Variants in ITGA5 observed in about 807,000 individuals in gnomAD.
ITGA5 encodes the protein integrin alpha-5.
In ITGA5, 55 loss-of-function variants were observed where a neutral mutation model predicts 146.3. That is an observed-to-expected ratio of 0.38 (90% CI 0.30 to 0.47). ITGA5 has a LOEUF of 0.47. ITGA5 is among the 20% of genes least tolerant of loss of function. The probability of loss-of-function intolerance (pLI) is 0.99; values close to 1 mark genes in which losing one functional copy is unlikely to be tolerated. For synonymous variants in ITGA5, 500 were observed against 531.8 expected, an observed-to-expected ratio of 0.94 and a Z score of 0.82; for missense variants, 1,131 against 1,329.0, an observed-to-expected ratio of 0.85 and a Z score of 2.32.
chr12:54,409,122 C>G lies in ITGA5; in HGVS notation c.583+110G>C, dbSNP rs1955907074. The G allele has an allele frequency of 6.7e-7, 1 of 1,499,208 alleles. No individual in the cohort carries two copies. The highest frequency in any genetic ancestry group is 1.3e-5 in the South Asian group (1 of 79,972). The allele number at this position is 1,499,208 out of a possible 1,614,324, so 92.9% of individuals were successfully genotyped here. ...CTGGGTTAGCCTTTATCTTAAGCAA[C>G]CTAGAACCTCATGGGGGCACATGGT... On this transcript the variant is annotated intron_variant, in intron 4 of 29. Transcript: ENST00000293379. This position sits in a 1 kb window ranked among gnomAD's most constrained non-coding sequence, Gnocchi z 4.7.
In ITGA5 at chr12:54,401,062, A is replaced by G; in HGVS notation, c.2494-67T>C. The G allele has an allele frequency of 6.7e-7, 1 of 1,494,644 alleles. No individual in the cohort carries two copies. The highest frequency in any genetic ancestry group is 1.2e-5 in the South Asian group (1 of 83,434). The allele number at this position is 1,494,644 out of a possible 1,614,324, so 92.6% of individuals were successfully genotyped here. A position where few individuals can be genotyped will look rare whatever the true frequency, so the allele number is the denominator to read the frequency against. ...TGCTTCTGCCCCATTGAGACCCTGGATCACCATGGCTCCACTATACCCTGC... is the reference window on the plus strand; with the variant it reads ...TGCTTCTGCCCCATTGAGACCCTGGGTCACCATGGCTCCACTATACCCTGC... On this transcript the variant is annotated intron_variant, in intron 24 of 29. Coordinates refer to ENST00000293379, the MANE Select transcript of ITGA5 (RefSeq NM_002205.5). The surrounding 1 kb of genome is among the most constrained non-coding windows in gnomAD (Gnocchi z 5.0).
In ITGA5 at chr12:54,399,707, G is replaced by T; in HGVS notation, c.2779C>A (p.His927Asn). The change falls in exon 27 of 30, where the codon CAC (histidine) becomes AAC (asparagine). Residue 927 changes from histidine to asparagine, a missense_variant. His to Asn is a moderately conservative substitution (Grantham distance 68). Transcript: ENST00000293379. ...FRLRCELGPL[H>N]QQESQSLQLH... is the part of the protein sequence containing the mutation. ...TGCAGACTTTGGCTCTCTTGTTGGT[G>T]CAGGGGCCCGAGCTCACAGCGCAGC... 6.2e-7 allele frequency: 1 copy of T among 1,614,210 alleles called. No homozygotes were observed. The highest frequency in any genetic ancestry group is 8.5e-7 in the Non-Finnish European group (1 of 1,180,028).
intron 8 of ITGA5, 31 bp downstream of exon 8, chr12:54,407,801 T>A (rs751777392): frequency 1.1e-5 from 18 of 1,610,172 alleles, no homozygotes; most frequent in Non-Finnish European, 1.4e-5. Context: ...ACCATCCCCC[T>A]CCCTTGGCCC....
At chr12:54,418,179 G>C (rs910200680) in intron 1 of ITGA5, among the ~76,000 whole-genome samples, 14 of 151,996 alleles carry the variant, frequency 9.2e-5, no homozygotes, top group African/African-American at 3.4e-4. Context: ...CCTCCCAAGA[G>C]CCAGAGGAAG....
At position 54,419,241 on chromosome 12, in the gene ITGA5, G is replaced by A. The variant is rs566530526; in HGVS notation, c.-43C>T. On this transcript the variant is annotated 5_prime_UTR_variant, in exon 1 of 30. Transcript: ENST00000293379. ...GTCCTGGGGCCACCGACCCGGAGCC[G>A]CTTCCTAAACCTCCCAGAGGCGAAT... 3.2e-6 allele frequency: 5 copies of A among 1,544,124 alleles called. No individual in the cohort carries two copies. In the East Asian group the frequency reaches 7.3e-5, roughly 23 times the overall value.
In ITGA5 at chr12:54,407,768, G is replaced by T. The variant is rs1592289703; in HGVS notation, c.862+64C>A. 3 of 1,603,816 alleles carry T rather than the reference G, an allele frequency of 1.9e-6. No homozygotes were observed. In the East Asian group the frequency reaches 6.7e-5, roughly 36 times the overall value. On this transcript the variant is annotated intron_variant, in intron 8 of 29. Transcript: ENST00000293379. Reference sequence around the variant, plus strand: ...ATAATGGTAAGTGGCCAAGTTCATGGGCTCTCTGGCCCTGTGCCTCTAACC... The same window carrying T: ...ATAATGGTAAGTGGCCAAGTTCATGTGCTCTCTGGCCCTGTGCCTCTAACC...
intron 6 of ITGA5, 69 bp downstream of exon 6, chr12:54,408,687 G>C: frequency 7.0e-7 from 1 of 1,433,706 alleles, no homozygotes; most frequent in East Asian, 2.4e-5. Context: ...TCCAGCCTGG[G>C]TGACAGAGTG....
chr12:54,418,248 C>T (rs924091220), intron 1 of ITGA5, among the ~76,000 whole-genome samples: 2 of 152,102 alleles, frequency 1.3e-5, no homozygotes, highest in Non-Finnish European at 2.9e-5. Flanking sequence ...CATCCCAGCA[C>T]CCGCCCTTGG....
intron 2 of ITGA5, among the ~76,000 whole-genome samples, chr12:54,410,223 C>T (rs1269068392): frequency 2.0e-4 from 31 of 152,294 alleles, no homozygotes; most frequent in Non-Finnish European, 4.1e-4. Flanking sequence ...ACAAGGATGC[C>T]TGCTGTGGAG....
intron 12 of ITGA5, 52 bp from the exon 13 acceptor site, chr12:54,404,946 T>TG (rs1240761775): frequency 7.1e-7 from 1 of 1,411,772 alleles, no homozygotes; most frequent in Non-Finnish European, 9.5e-7. Context: ...CCATGGGCTC[T>TG]AATCTCTACT....
In ITGA5 at chr12:54,404,770, G is replaced by A; in HGVS notation, c.1350C>T (p.Ser450=). 1.2e-6 allele frequency: 2 copies of A among 1,614,084 alleles called. No homozygotes were observed. The highest frequency in any genetic ancestry group is 1.1e-5 in the South Asian group (1 of 91,082). ...SQVLQPLWAA[S]HTPDFFGSAL... Reference sequence around the variant, plus strand: ...CAGAGCCAAAGAAGTCTGGGGTGTGGCTGGCTGCCCACAGGGGCTGCAGAA... The same window carrying A: ...CAGAGCCAAAGAAGTCTGGGGTGTGACTGGCTGCCCACAGGGGCTGCAGAA... The change falls in exon 13 of 30, where the codon AGC becomes AGT. Residue 450 remains serine, a synonymous_variant. Coordinates refer to ENST00000293379, the MANE Select transcript of ITGA5 (RefSeq NM_002205.5).
chr12:54,401,988 A>G lies in ITGA5; in HGVS notation c.2226+13T>C, dbSNP rs1473534150. ...CTCTCCCTCTGTCCCATCCTCTTTC[A>G]TCCCAAACTTACACTGGCTCCTGCC... On this transcript the variant is annotated intron_variant, in intron 21 of 29. Transcript: ENST00000293379. The surrounding 1 kb of genome is among the most constrained non-coding windows in gnomAD (Gnocchi z 5.0). The G allele has an allele frequency of 1.2e-6, 2 of 1,613,704 alleles. No individual in the cohort carries two copies. Among genetic ancestry groups the G allele is most frequent in the East Asian group, 2.2e-5 (1 of 44,862 alleles).
At chr12:54,408,290 G>C in intron 6 of ITGA5, 55 bp from the exon 7 acceptor site, 30 of 1,593,502 alleles carry the variant, frequency 1.9e-5, no homozygotes, top group Non-Finnish European at 2.5e-5. Flanking sequence ...AGGGGGCTTG[G>C]GACTCTGGGG....
rs774360435 is a variant in ITGA5, at chr12:54,399,905, C to A, written c.2686G>T (p.Ala896Ser). The A allele has an allele frequency of 1.3e-5, 21 of 1,614,068 alleles. No homozygotes were observed. The African/African-American group carries it at 2.1e-4, about 16-fold the overall frequency. Residue 896 changes from alanine to serine, a missense_variant, in exon 26 of 30, where the codon GCT becomes TCT. Ala to Ser is a moderately conservative substitution (Grantham distance 99). Coordinates refer to ENST00000293379, the MANE Select transcript of ITGA5 (RefSeq NM_002205.5). ...GAGGAAGCAGAGCTGCGGCTTGGAG[C>A]TTCCCGTTTTTGCTGGTGGTGCAGG... ...GSLHHQQKRE[A>S]PSRSSASSGP...
Position 54,403,612 on chromosome 12 carries a change from C to T in ITGA5, c.1776+13G>A. ...CTCCCTGGCCAGTCCACACCCCGCC[C>T]TCTGGGCCATACCCTGAGGTAGATC... On this transcript the variant is annotated intron_variant, in intron 17 of 29. Transcript: ENST00000293379. The surrounding 1 kb of genome is among the most constrained non-coding windows in gnomAD (Gnocchi z 4.9). 1 of 1,611,528 alleles carries T rather than the reference C, an allele frequency of 6.2e-7. No homozygotes were observed. The highest frequency in any genetic ancestry group is 8.5e-7 in the Non-Finnish European group (1 of 1,178,600).
intron 1 of ITGA5, among the ~76,000 whole-genome samples, chr12:54,415,976 A>G (rs1180881498): frequency 1.3e-5 from 2 of 152,236 alleles, no homozygotes; most frequent in Non-Finnish European, 2.9e-5. Context: ...GCATAAAATG[A>G]TGGATTTCCC....
At chr12:54,400,018 AG>A in intron 25 of ITGA5, 71 bp from the exon 26 acceptor site, 1 of 1,071,218 alleles carries the variant, frequency 9.3e-7, no homozygotes, top group South Asian at 1.2e-5. Flanking sequence ...CCTGGGTTCC[AG>A]AGCAGCTTCA....
Position 54,397,385 on chromosome 12 carries a change from G to A in ITGA5, c.3046C>T (p.Leu1016Phe), listed in dbSNP as rs1219916643. Reference protein sequence around the residue: ...ILFGLLLLGLLIYILYKLGFF... With the variant: ...ILFGLLLLGLFIYILYKLGFF... ...CTGACCTTGTAGAGGATGTAGATGAGTAGACCTAGGAGCAGGAGGCCAAAC... is the reference window on the plus strand; with the variant it reads ...CTGACCTTGTAGAGGATGTAGATGAATAGACCTAGGAGCAGGAGGCCAAAC... Residue 1016 changes from leucine to phenylalanine, a missense_variant, in exon 29 of 30, where the codon CTC becomes TTC. Physicochemically the swap from Leu to Phe is conservative, Grantham distance 22 (BLOSUM62 0). This residue lies in a region of ITGA5 where 889 missense variants were observed against 1,021.5 expected (regional missense o/e 0.87). Coordinates refer to ENST00000293379, the MANE Select transcript of ITGA5 (RefSeq NM_002205.5). 1 of 1,614,056 alleles carries A rather than the reference G, an allele frequency of 6.2e-7. No individual in the cohort carries two copies. Among genetic ancestry groups the A allele is most frequent in the Non-Finnish European group, 8.5e-7 (1 of 1,179,972 alleles).
intron 29 of ITGA5, 26 bp from the exon 30 acceptor site, chr12:54,396,402 T>G: frequency 6.4e-7 from 1 of 1,566,078 alleles, no homozygotes; most frequent in Non-Finnish European, 8.8e-7. Flanking sequence ...AGAGGGAGAG[T>G]TTAGGTACTA....
Sources: gnomAD v4.1 joint callset for allele counts (sites outside exome capture counted in the v4.1 genomes callset) on GRCh38, gnomAD v4.1.1 for gene constraint, gnomAD v4.1.1 regional missense constraint, Gnocchi (gnomAD v3.1) non-coding constraint, MANE v1.5 for transcripts, NCBI Gene and HGNC (gene_info 2026-07-23, HGNC 2026-07-21) for gene names.